Variants in TMEM14A observed in about 807,000 individuals in gnomAD.
TMEM14A encodes the protein transmembrane protein 14A.
In TMEM14A, 8 loss-of-function variants were observed where a neutral mutation model predicts 11.6. The ratio of observed to expected loss-of-function variants is 0.69; its 90% CI spans 0.40 to 1.24. The LOEUF is 1.24. Among genes scored for constraint, TMEM14A ranks in the 50% most tolerant of loss-of-function variants. The probability of loss-of-function intolerance (pLI) is 0.01; values close to 1 mark genes in which losing one functional copy is unlikely to be tolerated. For missense variants in TMEM14A, 108 were observed against 121.9 expected (o/e 0.89, Z 0.54); for synonymous variants, 34 against 45.5 (o/e 0.75, Z 1.02).
intron 3 of TMEM14A, 145 bp from the exon 4 acceptor site, chr6:52,683,933 C>T (rs1769443078): frequency 2.7e-6 from 2 of 743,090 alleles, no homozygotes; most frequent in Non-Finnish European, 4.3e-6. Flanking sequence ...TTTAATAGAG[C>T]ACTTTATCTT....
In TMEM14A at chr6:52,681,879, T is replaced by C. The variant is rs777726164; in HGVS notation, c.137T>C (p.Val46Ala). ...TTGGCCGGCTATGGAGCTTACCGTG[T>C]CTCCAATGACAAACGAGATGTAAAA... ...GCLAGYGAYRVSNDKRDVKVS... is the reference protein window; with the variant it reads ...GCLAGYGAYRASNDKRDVKVS... The change falls in exon 3 of 5, where the codon GTC becomes GCC. Residue 46 changes from valine to alanine, a missense_variant. Physicochemically the swap from Val to Ala is moderately conservative, Grantham distance 64. Coordinates refer to ENST00000211314, the MANE Select transcript of TMEM14A (RefSeq NM_014051.4). 6.2e-6 allele frequency: 10 copies of C among 1,614,150 alleles called. No homozygotes were observed. In the South Asian group the frequency reaches 9.9e-5, roughly 16 times the overall value.
chr6:52,678,015 TG>T (rs1769291334), intron 2 of TMEM14A, among the ~76,000 whole-genome samples: 1 of 152,136 alleles, frequency 6.6e-6, no homozygotes, highest in Admixed American at 6.5e-5. Flanking sequence ...TAATTCACCT[TG>T]GATTTTTGTT....
chr6:52,671,522 C>T (rs1286712139), intron 1 of TMEM14A, among the ~76,000 whole-genome samples: 2 of 152,066 alleles, frequency 1.3e-5, no homozygotes, highest in African/African-American at 4.8e-5. Context: ...GTGGGGTGGG[C>T]TCATGGACCA....
Position 52,680,585 on chromosome 6 carries a change from T to TA in TMEM14A, c.71-1228_71-1227insA, listed in dbSNP as rs1561874901. 1.1e-3 allele frequency among the ~76,000 whole-genome samples: 35 copies of TA among 33,238 alleles called. No individual in the cohort carries two copies. In the South Asian group the frequency reaches 0.015, roughly 15 times the overall value. 21.8% of individuals were successfully genotyped at this position (33,238 alleles called of 152,430 possible). A position where few individuals can be genotyped will look rare whatever the true frequency, so the allele number is the denominator to read the frequency against. On this transcript the variant is annotated intron_variant, in intron 2 of 4. Transcript: ENST00000211314. Reference sequence around the variant, plus strand: ...TGTAACATTCTAAGCCACTATATATTTATATATTTATATATATATATATAT... The same window carrying TA: ...TGTAACATTCTAAGCCACTATATATTATATATATTTATATATATATATATAT...
intron 2 of TMEM14A, among the ~76,000 whole-genome samples, chr6:52,680,593 TTATA>T (rs70977373): frequency 0.11 from 10,570 of 95,324 alleles, 951 homozygotes; most frequent in Middle Eastern, 0.21. Context: ...ATTTATATAT[TTATA>T]TATATATATA....
intron 2 of TMEM14A, among the ~76,000 whole-genome samples, chr6:52,680,660 T>TGTATATATAC (rs1769357654): frequency 2.1e-5 from 1 of 46,706 alleles, no homozygotes; most frequent in Non-Finnish European, 4.7e-5. Context: ...TGTGTGTGTA[T>TGTATATATAC]ATATATGTGT....
rs1554137489 is a variant in TMEM14A at position 52,680,708 on chromosome 6, C to CAT, written c.71-1096_71-1095dup. 2.3e-4 allele frequency among the ~76,000 whole-genome samples: 5 copies of CAT among 21,548 alleles called. 1 individual carries two copies. Among genetic ancestry groups the CAT allele is most frequent in the Admixed American group, 5.6e-4 (1 of 1,772 alleles). The allele number at this position is 21,548 out of a possible 152,430, so 14.1% of individuals were successfully genotyped here. On this transcript the variant is annotated intron_variant, in intron 2 of 4. Coordinates refer to ENST00000211314, the MANE Select transcript of TMEM14A (RefSeq NM_014051.4). Reference sequence around the variant, plus strand: ...ACATATATGTATATATATATATACACATATATATATGGCATGGATGATTAA... The same window carrying CAT: ...ACATATATGTATATATATATATACACATATATATATATGGCATGGATGATTAA...
intron 2 of TMEM14A, among the ~76,000 whole-genome samples, chr6:52,678,176 T>C (rs1050249797): frequency 2.0e-5 from 3 of 152,206 alleles, no homozygotes; most frequent in Non-Finnish European, 4.4e-5. Context: ...AATGCTAAGA[T>C]TGTTTTTGAA....
intron 1 of TMEM14A, among the ~76,000 whole-genome samples, chr6:52,672,036 ACAGT>A (rs1289154713): frequency 6.6e-6 from 1 of 152,188 alleles, no homozygotes; most frequent in African/African-American, 2.4e-5. Flanking sequence ...CTTTAGAACA[ACAGT>A]CAGTTCGCTA....
rs1561874967 is a variant in TMEM14A at position 52,680,613 on chromosome 6, G to GTGTA, written c.71-1199_71-1198insGTAT. Among the ~76,000 whole-genome samples the GTGTA allele has an allele frequency of 2.4e-3, 118 of 48,876 alleles. 2 individuals are homozygous for GTGTA. The highest frequency in any genetic ancestry group is 4.3e-3 in the Non-Finnish European group (90 of 21,024). 32.1% of individuals were successfully genotyped at this position (48,876 alleles called of 152,430 possible). A position where few individuals can be genotyped will look rare whatever the true frequency, so the allele number is the denominator to read the frequency against. Reference sequence around the variant, plus strand: ...TATATTTATATATATATATATATATGTATATATATGTGTATATATATATGT... The same window carrying GTGTA: ...TATATTTATATATATATATATATATGTGTATATATATATGTGTATATATATATGT... On this transcript the variant is annotated intron_variant, in intron 2 of 4. Transcript: ENST00000211314.
intron 2 of TMEM14A, among the ~76,000 whole-genome samples, chr6:52,680,648 T>TATAC (rs1166693844): frequency 1.1e-3 from 101 of 93,646 alleles, no homozygotes; most frequent in Non-Finnish European, 1.9e-3. Flanking sequence ...TGTGTATATA[T>TATAC]ATGTGTGTGT....
chr6:52,685,618 T>C (rs1473398629), intron 4 of TMEM14A, among the ~76,000 whole-genome samples: 2 of 151,342 alleles, frequency 1.3e-5, no homozygotes. Flanking sequence ...AAAAATGAAG[T>C]AGGGTTTATG....
intron 2 of TMEM14A, among the ~76,000 whole-genome samples, chr6:52,677,922 A>G (rs889222371): frequency 6.6e-6 from 1 of 152,222 alleles, no homozygotes; most frequent in African/African-American, 2.4e-5. Context: ...CTAAGAAGTC[A>G]AAGACCAGAA....
intron 1 of TMEM14A, among the ~76,000 whole-genome samples, chr6:52,674,207 A>G (rs1222857440): frequency 1.1e-5 from 1 of 94,534 alleles, no homozygotes; most frequent in Non-Finnish European, 2.9e-5. Context: ...AGGATCAAAC[A>G]TGAGAAGTTC....
intron 1 of TMEM14A, among the ~76,000 whole-genome samples, chr6:52,672,444 T>C (rs1326095882): frequency 6.6e-6 from 1 of 152,102 alleles, no homozygotes; most frequent in Non-Finnish European, 1.5e-5. Context: ...TCTCATAAGC[T>C]TCAGATCTGT....
chr6:52,681,085 C>G (rs903774632), intron 2 of TMEM14A, among the ~76,000 whole-genome samples: 2 of 151,964 alleles, frequency 1.3e-5, no homozygotes, highest in African/African-American at 4.8e-5. Context: ...TTCCATGAAG[C>G]AAGGATTGTG....
intron 3 of TMEM14A, 96 bp from the exon 4 acceptor site, chr6:52,683,982 T>C (rs1200500064): frequency 4.4e-6 from 5 of 1,133,326 alleles, no homozygotes; most frequent in Non-Finnish European, 6.4e-6. Context: ...CCATAATAGT[T>C]GTAATGTTAG....
At chr6:52,685,593 A>G (rs1165855329) in intron 4 of TMEM14A, among the ~76,000 whole-genome samples, 1 of 151,628 alleles carries the variant, frequency 6.6e-6, no homozygotes, top group Non-Finnish European at 1.5e-5. Context: ...AGAAAAAAGA[A>G]AAAAAAAAGG....
intron 2 of TMEM14A, among the ~76,000 whole-genome samples, chr6:52,678,549 G>A (rs909984323): frequency 1.3e-5 from 2 of 152,090 alleles, no homozygotes; most frequent in African/African-American, 4.8e-5. Flanking sequence ...GCCCCCAAGG[G>A]TATTATGGGT....
Sources: allele counts gnomAD v4.1 joint callset (sites outside exome capture counted in the v4.1 genomes callset), GRCh38; gene constraint gnomAD v4.1.1; transcripts MANE v1.5; gene names NCBI Gene and HGNC (gene_info 2026-07-23, HGNC 2026-07-21).